Variants in RBM27 observed in about 807,000 individuals in gnomAD.
RBM27 encodes the protein RNA binding motif protein 27.
RBM27 carries 22 observed loss-of-function variants against 135.3 expected under a neutral mutation model. The ratio of observed to expected loss-of-function variants is 0.16; its 90% CI spans 0.12 to 0.23. The LOEUF is 0.23. Ranked by LOEUF, RBM27 falls within the 10% of genes least tolerant of loss-of-function variation. The pLI, the probability that RBM27 is intolerant of heterozygous loss-of-function variation, is 1.00. For missense variants in RBM27, 1,009 were observed against 1,281.0 expected, an observed-to-expected ratio of 0.79 and a Z score of 3.24; for synonymous variants, 481 against 442.4, an observed-to-expected ratio of 1.09 and a Z score of -1.10.
intron 13 of RBM27, 80 bp downstream of exon 13, chr5:146,261,886 C>T (rs1477499238): frequency 7.0e-7 from 1 of 1,424,134 alleles, no homozygotes. Flanking sequence ...GTCCTTGGGT[C>T]TTCTACAGAA....
chr5:146,276,864 G>A (rs1401698901), intron 19 of RBM27, among the ~76,000 whole-genome samples: 2 of 152,082 alleles, frequency 1.3e-5, no homozygotes, highest in African/African-American at 4.8e-5. Context: ...AGACCAACCT[G>A]GGCAGCATAG....
chr5:146,222,196 G>A (rs1196884362), intron 2 of RBM27, among the ~76,000 whole-genome samples: 2 of 152,182 alleles, frequency 1.3e-5, no homozygotes, highest in Admixed American at 6.5e-5. Flanking sequence ...GTGGAAAAAT[G>A]CTTACTACAC....
chr5:146,239,476 T>TTC (rs1269633905), intron 8 of RBM27, among the ~76,000 whole-genome samples: 2 of 140,080 alleles, frequency 1.4e-5, no homozygotes, highest in African/African-American at 5.6e-5. Flanking sequence ...CCTTTTCTTT[T>TTC]TTTTTTTTTT....
intron 1 of RBM27, among the ~76,000 whole-genome samples, chr5:146,205,267 A>G (rs1339922470): frequency 1.3e-5 from 2 of 152,210 alleles, no homozygotes; most frequent in African/African-American, 4.8e-5. Flanking sequence ...ATGGCTAGTT[A>G]CTGGAAGGGA....
At position 146,286,043 on chromosome 5, in the gene RBM27, G is replaced by T. The variant is rs1350284221; in HGVS notation, c.*13G>T. 6.3e-7 allele frequency: 1 copy of T among 1,585,548 alleles called. No homozygotes were observed. Among genetic ancestry groups the T allele is most frequent in the Non-Finnish European group, 8.6e-7 (1 of 1,166,680 alleles). On this transcript the variant is annotated 3_prime_UTR_variant, in exon 21 of 21. Coordinates refer to ENST00000265271, the MANE Select transcript of RBM27 (RefSeq NM_018989.2). ...ATGGCGAAGATGAAATCTGATGCTA[G>T]CTGTATAATTTTTAGGAATATTGTT...
intron 19 of RBM27, among the ~76,000 whole-genome samples, chr5:146,277,822 C>T (rs753359789): frequency 3.0e-4 from 45 of 151,974 alleles, no homozygotes; most frequent in Non-Finnish European, 4.7e-4. Flanking sequence ...CATGAGCCAC[C>T]GCGCCTGGCC....
At chr5:146,215,812 G>A (rs1358644103) in intron 1 of RBM27, among the ~76,000 whole-genome samples, 4 of 151,174 alleles carry the variant, frequency 2.6e-5, no homozygotes, top group African/African-American at 4.9e-5. Flanking sequence ...GTGCAGTGGT[G>A]TGATCTTGGC....
chr5:146,250,267 C>T (rs1028812222), intron 8 of RBM27, among the ~76,000 whole-genome samples: 7 of 151,738 alleles, frequency 4.6e-5, no homozygotes, highest in South Asian at 2.1e-4. Flanking sequence ...GGTGAAACCC[C>T]GTCTCTACTA....
intron 8 of RBM27, among the ~76,000 whole-genome samples, chr5:146,246,075 G>C (rs561234870): frequency 1.3e-5 from 2 of 149,666 alleles, no homozygotes; most frequent in Non-Finnish European, 2.9e-5. Flanking sequence ...TTAAGTGACT[G>C]TTTGATTTCT....
chr5:146,264,286 C>T (rs964927067), intron 14 of RBM27, among the ~76,000 whole-genome samples: 4 of 151,922 alleles, frequency 2.6e-5, no homozygotes, highest in Non-Finnish European at 5.9e-5. Flanking sequence ...TGGGTTCAAG[C>T]GATTCTGCTG....
Position 146,267,773 on chromosome 5 carries a change from C to A in RBM27, c.2451+5C>A. ...GAAGTGCTTAAAAAAAAACAGGTAACAGTCTTGATTCTTCTTGCCTTACAG... is the reference window on the plus strand; with the variant it reads ...GAAGTGCTTAAAAAAAAACAGGTAAAAGTCTTGATTCTTCTTGCCTTACAG... On this transcript the variant is annotated splice_donor_5th_base_variant and intron_variant, in intron 15 of 20. Coordinates refer to ENST00000265271, the MANE Select transcript of RBM27 (RefSeq NM_018989.2). 3 of 1,599,772 alleles carry A rather than the reference C, an allele frequency of 1.9e-6. No individual in the cohort carries two copies. Among genetic ancestry groups the A allele is most frequent in the Non-Finnish European group, 2.6e-6 (3 of 1,175,644 alleles).
rs372107439 is a variant in RBM27, at chr5:146,207,374, C to T, written c.59+3550C>T. Among the ~76,000 whole-genome samples the T allele has an allele frequency of 1.1e-4, 16 of 150,820 alleles. No homozygotes were observed. In the East Asian group the frequency reaches 1.4e-3, roughly 13 times the overall value. ...GATTACAGGCGCCCGCCACCATGCC[C>T]GGCTAATTTTTTGTATTTTTTAGTA... is the stretch of plus-strand genomic sequence containing the variant. On this transcript the variant is annotated intron_variant, in intron 1 of 20. Transcript: ENST00000265271.
intron 8 of RBM27, among the ~76,000 whole-genome samples, chr5:146,250,569 C>A (rs1386313833): frequency 6.6e-6 from 1 of 151,792 alleles, no homozygotes; most frequent in Non-Finnish European, 1.5e-5. Flanking sequence ...GTTAAATGGA[C>A]ACCCAAAGGG....
intron 19 of RBM27, among the ~76,000 whole-genome samples, chr5:146,282,811 A>G (rs1287517743): frequency 6.6e-6 from 1 of 152,194 alleles, no homozygotes; most frequent in Non-Finnish European, 1.5e-5. Context: ...CCAGTTTAGA[A>G]TCAGTTTGAG....
chr5:146,279,101 G>A (rs1220618338), intron 19 of RBM27, among the ~76,000 whole-genome samples: 4 of 152,092 alleles, frequency 2.6e-5, no homozygotes, highest in African/African-American at 7.2e-5. Context: ...AGAACAATTA[G>A]GTACTGTAAT....
chr5:146,249,184 T>C (rs77346901), intron 8 of RBM27, among the ~76,000 whole-genome samples: 1,994 of 152,050 alleles, frequency 0.013, 41 homozygotes, highest in African/African-American at 0.046. Flanking sequence ...AGTCTCGGTA[T>C]GTTACTCAGG....
intron 8 of RBM27, among the ~76,000 whole-genome samples, chr5:146,250,758 T>G (rs538687908): frequency 6.1e-4 from 90 of 148,538 alleles, no homozygotes; most frequent in African/African-American, 2.1e-3. Flanking sequence ...GTTTATCTGT[T>G]TTTTTTTTGT....
intron 17 of RBM27, among the ~76,000 whole-genome samples, chr5:146,269,866 C>G (rs1349333634): frequency 1.3e-5 from 2 of 151,630 alleles, no homozygotes; most frequent in Non-Finnish European, 2.9e-5. Context: ...AACCACTGCA[C>G]CCGGCTGCCA....
chr5:146,259,255 C>G (rs1479672690), intron 11 of RBM27, among the ~76,000 whole-genome samples: 1 of 151,940 alleles, frequency 6.6e-6, no homozygotes. Context: ...GTGGCTCACG[C>G]CTATAATCCC....
Sources: allele counts gnomAD v4.1 joint callset (sites outside exome capture counted in the v4.1 genomes callset), GRCh38; gene constraint gnomAD v4.1.1; transcripts MANE v1.5; gene names NCBI Gene and HGNC (gene_info 2026-07-23, HGNC 2026-07-21).